The following PTPRZ1 variants were observed in gnomAD, a reference collection of about 807,000 sequenced individuals.
The protein encoded by PTPRZ1 is protein tyrosine phosphatase receptor type Z1.
A neutral mutation model predicts 214.1 loss-of-function variants in PTPRZ1; 82 were observed. The ratio of observed to expected loss-of-function variants is 0.38; its 90% CI spans 0.32 to 0.46. The LOEUF is 0.46. Among genes scored for constraint, PTPRZ1 ranks in the 20% least tolerant of loss-of-function variants. The pLI is 1.00. For synonymous variants in PTPRZ1, 945 were observed against 987.9 expected (o/e 0.96, Z 0.81); for missense variants, 2,603 against 2,748.7 (o/e 0.95, Z 1.19).
rs2293278 is a variant in PTPRZ1, at chr7:122,004,213, C to T, written c.1241-401C>T. On this transcript the variant is annotated intron_variant, in intron 10 of 29. Coordinates refer to ENST00000393386, the MANE Select transcript of PTPRZ1 (RefSeq NM_002851.3). ...CTCCAGAAAATCCCTGGCATTTCCC[C>T]AACCATGCTTTTATCAGCCCTGCTA... 2.3e-3 allele frequency among the ~76,000 whole-genome samples: 346 copies of T among 152,272 alleles called. 12 individuals carry two copies. In the East Asian group the frequency reaches 0.063, roughly 28 times the overall value.
intron 21 of PTPRZ1, among the ~76,000 whole-genome samples, chr7:122,042,175 T>C (rs1020888236): frequency 6.6e-6 from 1 of 152,202 alleles, no homozygotes; most frequent in African/African-American, 2.4e-5. Context: ...CAGAAATCTT[T>C]ACAAACATGT....
At chr7:122,048,126 C>T (rs1203313396) in intron 23 of PTPRZ1, among the ~76,000 whole-genome samples, 1 of 152,032 alleles carries the variant, frequency 6.6e-6, no homozygotes, top group Non-Finnish European at 1.5e-5. Context: ...ATTAAAAATA[C>T]CCTTTTAAAT....
At chr7:121,940,068 A>C (rs957128913) in intron 2 of PTPRZ1, among the ~76,000 whole-genome samples, 12 of 152,206 alleles carry the variant, frequency 7.9e-5, no homozygotes, top group African/African-American at 2.7e-4. Context: ...TTTTGGACAG[A>C]AAATTAGGAA....
chr7:121,910,124 T>G (rs1044661617), intron 1 of PTPRZ1, among the ~76,000 whole-genome samples: 9 of 152,186 alleles, frequency 5.9e-5, no homozygotes, highest in African/African-American at 1.9e-4. Flanking sequence ...CTTTTTGCTG[T>G]TTTTCCAACA....
In PTPRZ1 at chr7:122,028,654, A is replaced by G; in HGVS notation, c.5080+11A>G. On this transcript the variant is annotated intron_variant, in intron 14 of 29. Transcript: ENST00000393386. ...TCTTTCCAATTTCAGGTAATGGCTT[A>G]AAGTGTGACCATGAGTAGCTGGTAG... The G allele has an allele frequency of 1.3e-6, 2 of 1,514,718 alleles. No individual in the cohort carries two copies. The highest frequency in any genetic ancestry group is 2.3e-5 in the South Asian group (2 of 88,856). The allele number at this position is 1,514,718 out of a possible 1,614,324, so 93.8% of individuals were successfully genotyped here. A position where few individuals can be genotyped will look rare whatever the true frequency, so the allele number is the denominator to read the frequency against.
chr7:121,925,841 C>G (rs951638392), intron 1 of PTPRZ1, among the ~76,000 whole-genome samples: 1 of 152,100 alleles, frequency 6.6e-6, no homozygotes, highest in African/African-American at 2.4e-5. Flanking sequence ...GAGCAAGGTG[C>G]CCCACTGAAG....
intron 17 of PTPRZ1, among the ~76,000 whole-genome samples, chr7:122,034,973 C>A (rs1212051813): frequency 6.6e-6 from 1 of 151,766 alleles, no homozygotes; most frequent in Non-Finnish European, 1.5e-5. Flanking sequence ...TATTGTCTTT[C>A]TTCTGTCTTC....
intron 2 of PTPRZ1, among the ~76,000 whole-genome samples, chr7:121,959,184 A>G (rs773916290): frequency 1.6e-4 from 25 of 152,212 alleles, no homozygotes; most frequent in Non-Finnish European, 3.1e-4. Context: ...GAATTTTCCT[A>G]AATAAATTGA....
intron 23 of PTPRZ1, among the ~76,000 whole-genome samples, chr7:122,047,904 G>A (rs1430489150): frequency 6.6e-6 from 1 of 152,080 alleles, no homozygotes; most frequent in African/African-American, 2.4e-5. Context: ...TCTGCCTGCT[G>A]TGGCCTCACA....
At chr7:121,978,815 C>T (rs1797518217) in intron 6 of PTPRZ1, among the ~76,000 whole-genome samples, 2 of 152,284 alleles carry the variant, frequency 1.3e-5, no homozygotes, top group South Asian at 2.1e-4. Flanking sequence ...AGGACAACTA[C>T]CCAAACCAAA....
At chr7:121,894,757 T>C (rs1794737865) in intron 1 of PTPRZ1, among the ~76,000 whole-genome samples, 1 of 152,176 alleles carries the variant, frequency 6.6e-6, no homozygotes, top group Non-Finnish European at 1.5e-5. Flanking sequence ...TATAGATTAT[T>C]AGAATTCTTT....
At chr7:121,968,904 T>C (rs1208220758) in intron 3 of PTPRZ1, among the ~76,000 whole-genome samples, 1 of 152,294 alleles carries the variant, frequency 6.6e-6, no homozygotes, top group East Asian at 1.9e-4. Context: ...TATATTTAGG[T>C]AATGTAATTA....
chr7:122,048,784 A>G (rs1029448796), intron 23 of PTPRZ1, among the ~76,000 whole-genome samples: 2 of 152,156 alleles, frequency 1.3e-5, no homozygotes, highest in African/African-American at 4.8e-5. Context: ...GGCCCAAAAT[A>G]ATTTAATGTC....
At chr7:121,927,433 A>C (rs1043025576) in intron 1 of PTPRZ1, among the ~76,000 whole-genome samples, 1 of 152,206 alleles carries the variant, frequency 6.6e-6, no homozygotes, top group African/African-American at 2.4e-5. Context: ...AATTATGCAG[A>C]GTGAGACTGG....
In PTPRZ1 at chr7:122,013,083, G is replaced by A. The variant is rs57428996; in HGVS notation, c.4037G>A (p.Gly1346Asp). Residue 1346 changes from glycine (G) to aspartate (D), a missense_variant, in exon 12 of 30, where the codon GGT (glycine) becomes GAT (aspartate). Gly to Asp is a moderately conservative substitution (Grantham distance 94). Around this residue, in one of 6 missense-constraint regions of PTPRZ1, gnomAD observed 1,913 missense variants for 1,914.3 expected, o/e 1.00. Transcript: ENST00000393386. The part of the protein sequence containing the change: ...ILTSTKSSVT[G>D]KVFAGIPTVA... ...ACCTCCACCAAAAGTTCTGTTACTG[G>A]TAAGGTATTTGCTGGTATTCCAACA... 1,192 of 1,613,542 alleles carry A rather than the reference G, an allele frequency of 7.4e-4. 10 individuals carry two copies. In the African/African-American group the frequency reaches 0.014, roughly 19 times the overall value.
chr7:121,950,604 G>A (rs921196828), intron 2 of PTPRZ1, among the ~76,000 whole-genome samples: 16 of 152,272 alleles, frequency 1.1e-4, no homozygotes, highest in Non-Finnish European at 2.1e-4. Flanking sequence ...TAGTAAGTAT[G>A]TATGCAAATT....
rs146215186 is a variant in PTPRZ1, at chr7:121,911,507, C to T, written c.59-16649C>T. On this transcript the variant is annotated intron_variant, in intron 1 of 29. Transcript: ENST00000393386. ...CTTCCATATAAATGTTTCTAGATTG[C>T]GTACATTTAAAATAACTTTTCATGT... 6.6e-5 allele frequency among the ~76,000 whole-genome samples: 10 copies of T among 152,108 alleles called. No homozygotes were observed. The East Asian group carries it at 7.7e-4, about 12-fold the overall frequency.
chr7:121,920,155 T>A (rs1795549343), intron 1 of PTPRZ1, among the ~76,000 whole-genome samples: 1 of 152,192 alleles, frequency 6.6e-6, no homozygotes, highest in South Asian at 2.1e-4. Context: ...TTGTATCCTC[T>A]AATTGGTTAT....
chr7:121,951,475 T>G (rs1057046946), intron 2 of PTPRZ1, among the ~76,000 whole-genome samples: 1 of 152,210 alleles, frequency 6.6e-6, no homozygotes, highest in Admixed American at 6.5e-5. Flanking sequence ...TAGTGGCAAA[T>G]GTGAAAACAT....
Sources: gnomAD v4.1 joint callset for allele counts (sites outside exome capture counted in the v4.1 genomes callset) on GRCh38, gnomAD v4.1.1 for gene constraint, gnomAD v4.1.1 regional missense constraint, MANE v1.5 for transcripts, NCBI Gene and HGNC (gene_info 2026-07-23, HGNC 2026-07-21) for gene names.